IL23R: variants seen among roughly 807,000 people sequenced by gnomAD.
The protein encoded by IL23R is interleukin-23 receptor.
IL23R carries 34 observed loss-of-function variants against 56.9 expected under a neutral mutation model. That is an observed-to-expected ratio of 0.60 (90% CI 0.45 to 0.80). IL23R has a LOEUF of 0.80. Among genes scored for constraint, IL23R ranks in the 30% least tolerant of loss-of-function variants. The pLI is 0.00. For synonymous variants in IL23R, 230 were observed against 249.2 expected (o/e 0.92, Z 0.73); for missense variants, 635 against 730.0 (o/e 0.87, Z 1.50).
chr1:67,211,282 G>A (rs1020826307), intron 6 of IL23R, among the ~76,000 whole-genome samples: 2 of 152,150 alleles, frequency 1.3e-5, no homozygotes, highest in African/African-American at 4.8e-5. Flanking sequence ...AAGACACCTG[G>A]GGTCCTTGTA....
At chr1:67,193,318 A>G (rs1346448329) in intron 4 of IL23R, among the ~76,000 whole-genome samples, 4 of 152,182 alleles carry the variant, frequency 2.6e-5, no homozygotes, top group African/African-American at 9.7e-5. Flanking sequence ...CCATACATAG[A>G]TCAGATTCTA....
chr1:67,204,597 A>G (rs1254536118), intron 5 of IL23R, among the ~76,000 whole-genome samples: 2 of 152,140 alleles, frequency 1.3e-5, no homozygotes, highest in African/African-American at 2.4e-5. Flanking sequence ...TCTTTTGCCA[A>G]AAGGGTCCTA....
At chr1:67,168,985 C>T (rs963465631) in intron 2 of IL23R, among the ~76,000 whole-genome samples, 18 of 151,816 alleles carry the variant, frequency 1.2e-4, no homozygotes, top group East Asian at 3.9e-4. Flanking sequence ...CATGGTGAAA[C>T]GCCATATTAG....
At chr1:67,260,898 A>G (rs2100403086), downstream of IL23R, among the ~76,000 whole-genome samples, 1 of 152,234 alleles carries the variant, frequency 6.6e-6, no homozygotes, top group South Asian at 2.1e-4. Context: ...AAATAAATAA[A>G]TATTCGTTCA....
At chr1:67,145,875 T>A (rs944149539) in intron 1 of IL23R, among the ~76,000 whole-genome samples, 18 of 152,188 alleles carry the variant, frequency 1.2e-4, no homozygotes, top group African/African-American at 4.3e-4. Flanking sequence ...TTGGTTTCAA[T>A]CAATAGAATG....
At chr1:67,223,146 A>G (rs1041974572) in intron 7 of IL23R, among the ~76,000 whole-genome samples, 14 of 152,056 alleles carry the variant, frequency 9.2e-5, no homozygotes, top group African/African-American at 3.4e-4. Flanking sequence ...CCCAGCTACT[A>G]GGGAGGCTGA....
chr1:67,218,326 ATG>A (rs3052947), intron 6 of IL23R, among the ~76,000 whole-genome samples: 5,853 of 124,632 alleles, frequency 0.047, 314 homozygotes, highest in African/African-American at 0.13. Flanking sequence ...ATATATGCAT[ATG>A]TGTGTGTGTG....
intron 4 of IL23R, among the ~76,000 whole-genome samples, chr1:67,185,315 G>T (rs1302951407): frequency 2.0e-5 from 3 of 152,198 alleles, no homozygotes; most frequent in Non-Finnish European, 2.9e-5. Flanking sequence ...TGCTGAAGGT[G>T]TGTGGAGGAC....
chr1:67,192,472 C>T (rs1020921030), intron 4 of IL23R, among the ~76,000 whole-genome samples: 8 of 152,144 alleles, frequency 5.3e-5, no homozygotes, highest in Non-Finnish European at 1.2e-4. Context: ...TATTTACAGT[C>T]ATTACCTAAA....
At chr1:67,201,025 A>G (rs1257853104) in intron 5 of IL23R, 128 bp downstream of exon 5, 52 of 930,662 alleles carry the variant, frequency 5.6e-5, no homozygotes, top group Non-Finnish European at 8.4e-5. Context: ...AACAGAAATT[A>G]CCCATAATTC....
intron 6 of IL23R, among the ~76,000 whole-genome samples, chr1:67,216,769 A>G (rs1649868432): frequency 6.6e-6 from 1 of 152,234 alleles, no homozygotes; most frequent in East Asian, 1.9e-4. Context: ...CTTTTCTTGA[A>G]AGGGCTGATA....
At chr1:67,257,127 T>G (rs1652992379) in intron 10 of IL23R, among the ~76,000 whole-genome samples, 1 of 152,236 alleles carries the variant, frequency 6.6e-6, no homozygotes, top group South Asian at 2.1e-4. Flanking sequence ...TCTCCTTCTT[T>G]GCTAAACTCC....
chr1:67,183,009 C>T (rs1438537937), intron 4 of IL23R, 50 bp downstream of exon 4: 3 of 1,608,704 alleles, frequency 1.9e-6, no homozygotes, highest in Admixed American at 1.7e-5. Context: ...CCCAGTTCAG[C>T]CAGAGCTCTG....
At chr1:67,233,877 G>A (rs1160371241) in intron 7 of IL23R, among the ~76,000 whole-genome samples, 6 of 148,164 alleles carry the variant, frequency 4.0e-5, no homozygotes, top group Non-Finnish European at 8.9e-5. Context: ...AGCAAATTAG[G>A]CAATGCACTG....
chr1:67,244,936 A>C (rs1470664424), intron 9 of IL23R, among the ~76,000 whole-genome samples: 1 of 152,094 alleles, frequency 6.6e-6, no homozygotes, highest in Non-Finnish European at 1.5e-5. Flanking sequence ...GATTCTTCCT[A>C]CCCATGAGCA....
intron 9 of IL23R, among the ~76,000 whole-genome samples, chr1:67,247,928 G>T (rs919727906): frequency 4.6e-5 from 7 of 152,190 alleles, no homozygotes; most frequent in Non-Finnish European, 8.8e-5. Context: ...CTTTAAGAAT[G>T]TTGAACATTG....
At chr1:67,159,743 T>G (rs1311054116) in intron 1 of IL23R, among the ~76,000 whole-genome samples, 3 of 152,198 alleles carry the variant, frequency 2.0e-5, no homozygotes, top group Non-Finnish European at 4.4e-5. Context: ...ATAAACATTC[T>G]TATTTAATAG....
intron 6 of IL23R, 28 bp downstream of exon 6, chr1:67,207,083 C>T: frequency 1.2e-6 from 2 of 1,609,610 alleles, no homozygotes; most frequent in Non-Finnish European, 1.7e-6. Context: ...TATGCTTTAG[C>T]ATGTGAATGA....
chr1:67,173,845 T>C (rs1646976121), intron 3 of IL23R, among the ~76,000 whole-genome samples: 1 of 152,138 alleles, frequency 6.6e-6, no homozygotes, highest in Non-Finnish European at 1.5e-5. Context: ...TTGGAATATG[T>C]CTTTGAAATT....
Sources: gnomAD v4.1 joint callset for allele counts (sites outside exome capture counted in the v4.1 genomes callset) on GRCh38, gnomAD v4.1.1 for gene constraint, MANE v1.5 for transcripts, NCBI Gene and HGNC (gene_info 2026-07-23, HGNC 2026-07-21) for gene names.